The following SLC35F1 variants were observed in gnomAD, a reference collection of about 807,000 sequenced individuals.
SLC35F1 encodes the protein chromosome 6 open reading frame 169.
A neutral mutation model predicts 48.7 loss-of-function variants in SLC35F1; 14 were observed. The observed-to-expected ratio is 0.29, with a 90% CI of 0.19 to 0.45. The LOEUF is 0.45. Ranked by LOEUF, SLC35F1 falls within the 20% of genes least tolerant of loss-of-function variation. The pLI is 1.00. For missense variants in SLC35F1, 404 were observed against 500.0 expected (o/e 0.81, Z 1.83); for synonymous variants, 190 against 202.2 (o/e 0.94, Z 0.51).
At chr6:117,966,482 C>G (rs1459930699) in intron 1 of SLC35F1, among the ~76,000 whole-genome samples, 2 of 152,134 alleles carry the variant, frequency 1.3e-5, no homozygotes, top group Non-Finnish European at 2.9e-5. Context: ...TGAACTGTAA[C>G]ACTCACTGTG....
intron 1 of SLC35F1, among the ~76,000 whole-genome samples, chr6:117,962,387 C>G (rs1776508868): frequency 6.6e-6 from 1 of 152,166 alleles, no homozygotes; most frequent in Admixed American, 6.5e-5. Flanking sequence ...ATTAAAACTT[C>G]CCATTGTTTC....
intron 1 of SLC35F1, among the ~76,000 whole-genome samples, chr6:117,949,068 C>G (rs1467125643): frequency 6.6e-6 from 1 of 151,992 alleles, no homozygotes; most frequent in Non-Finnish European, 1.5e-5. Flanking sequence ...GTGTATTTAC[C>G]CACTGAATTC....
chr6:118,148,286 A>G (rs1291558777), intron 1 of SLC35F1, among the ~76,000 whole-genome samples: 1 of 152,234 alleles, frequency 6.6e-6, no homozygotes, highest in East Asian at 1.9e-4. Flanking sequence ...ATTACAAGCA[A>G]TATGATTATG....
chr6:118,086,626 C>T (rs1441508091), intron 1 of SLC35F1, among the ~76,000 whole-genome samples: 2 of 152,222 alleles, frequency 1.3e-5, no homozygotes, highest in African/African-American at 4.8e-5. Flanking sequence ...GCCCCACCTC[C>T]AGCCTCCTTT....
At chr6:118,022,320 T>G (rs58861108) in intron 1 of SLC35F1, among the ~76,000 whole-genome samples, 4,236 of 152,258 alleles carry the variant, frequency 0.028, 197 homozygotes, top group African/African-American at 0.097. Flanking sequence ...TGACCACAAT[T>G]GCAAAGTGAT....
At chr6:118,281,068 C>CA (rs1775977331) in intron 6 of SLC35F1, among the ~76,000 whole-genome samples, 1 of 151,552 alleles carries the variant, frequency 6.6e-6, no homozygotes, top group African/African-American at 2.4e-5. Context: ...TTTTAAAACT[C>CA]TGGTATGTTC....
At chr6:118,143,369 C>T (rs1773920572) in intron 1 of SLC35F1, among the ~76,000 whole-genome samples, 1 of 152,074 alleles carries the variant, frequency 6.6e-6, no homozygotes, top group Admixed American at 6.5e-5. Context: ...AAAAGTAATC[C>T]TTAAAAGGTT....
chr6:118,094,478 G>A (rs1422165849), intron 1 of SLC35F1, among the ~76,000 whole-genome samples: 1 of 152,106 alleles, frequency 6.6e-6, no homozygotes, highest in East Asian at 1.9e-4. Context: ...GGAAGATGGT[G>A]TGGGATTATG....
intron 1 of SLC35F1, among the ~76,000 whole-genome samples, chr6:118,133,724 T>C (rs1418661965): frequency 6.6e-6 from 1 of 152,208 alleles, no homozygotes; most frequent in Non-Finnish European, 1.5e-5. Context: ...TTGCTGCTTA[T>C]AGACTTTTTA....
At chr6:118,138,186 G>A (rs1380215868) in intron 1 of SLC35F1, among the ~76,000 whole-genome samples, 1 of 151,914 alleles carries the variant, frequency 6.6e-6, no homozygotes. Context: ...GTGCATGCCT[G>A]TAGTCCCACC....
intron 1 of SLC35F1, among the ~76,000 whole-genome samples, chr6:117,978,918 G>A (rs1776739738): frequency 6.6e-6 from 1 of 152,154 alleles, no homozygotes; most frequent in Admixed American, 6.5e-5. Flanking sequence ...CTCATCCTGT[G>A]GCTCATTTCA....
intron 1 of SLC35F1, among the ~76,000 whole-genome samples, chr6:117,916,555 G>A (rs1386935248): frequency 1.3e-5 from 2 of 152,184 alleles, no homozygotes; most frequent in Admixed American, 6.5e-5. Flanking sequence ...GAGTAAGGCT[G>A]ACAATAGCTA....
intron 2 of SLC35F1, among the ~76,000 whole-genome samples, chr6:118,189,203 GC>G (rs1397300031): frequency 1.3e-5 from 2 of 152,096 alleles, no homozygotes; most frequent in Middle Eastern, 3.2e-3. Context: ...AAGCCACCAT[GC>G]CCAGTCCAAC....
At chr6:118,207,063 A>G (rs1774945118) in intron 2 of SLC35F1, among the ~76,000 whole-genome samples, 1 of 152,226 alleles carries the variant, frequency 6.6e-6, no homozygotes, top group African/African-American at 2.4e-5. Flanking sequence ...TGAGAAAATC[A>G]AAGGGGAAGC....
chr6:118,297,635 TATAAAA>T (rs1776203871), intron 7 of SLC35F1, among the ~76,000 whole-genome samples: 4 of 100,788 alleles, frequency 4.0e-5, no homozygotes, highest in African/African-American at 8.1e-5. Context: ...TATATATATA[TATAAAA>T]AATATATATA....
chr6:118,106,744 C>G (rs1279756032), intron 1 of SLC35F1, among the ~76,000 whole-genome samples: 1 of 152,146 alleles, frequency 6.6e-6, no homozygotes, highest in Admixed American at 6.6e-5. Context: ...TTTCTGTAAC[C>G]AATAGGCTAT....
intron 1 of SLC35F1, among the ~76,000 whole-genome samples, chr6:118,060,818 C>T (rs969589676): frequency 2.6e-5 from 4 of 152,300 alleles, no homozygotes; most frequent in Admixed American, 6.5e-5. Context: ...CTCTTTTACA[C>T]GTTCTACAGA....
intron 7 of SLC35F1, among the ~76,000 whole-genome samples, chr6:118,311,095 C>T (rs1776366721): frequency 6.6e-6 from 1 of 152,178 alleles, no homozygotes; most frequent in Admixed American, 6.5e-5. Flanking sequence ...CACTGATCAG[C>T]AGCCCTGAGT....
chr6:117,914,332 AT>A, intron 1 of SLC35F1, among the ~76,000 whole-genome samples: 1 of 152,208 alleles, frequency 6.6e-6, no homozygotes, highest in African/African-American at 2.4e-5. Flanking sequence ...AATAAATTCC[AT>A]TTAAAAAAAT....
Sources: gnomAD v4.1 joint callset for allele counts (sites outside exome capture counted in the v4.1 genomes callset) on GRCh38, gnomAD v4.1.1 for gene constraint, MANE v1.5 for transcripts, NCBI Gene and HGNC (gene_info 2026-07-23, HGNC 2026-07-21) for gene names.